STAB2: variants seen among roughly 807,000 people sequenced by gnomAD.
STAB2 encodes stabilin-2.
In STAB2, 288 loss-of-function variants were observed where a neutral mutation model predicts 338.1. The observed-to-expected ratio is 0.85, with a 90% confidence interval of 0.77 to 0.94. The LOEUF (loss-of-function observed/expected upper bound fraction) is 0.94. STAB2 is among the 40% of genes least tolerant of loss of function. The probability of loss-of-function intolerance (pLI) is 0.00; values close to 1 mark genes in which losing one functional copy is unlikely to be tolerated. For synonymous variants in STAB2, 1,202 were observed against 1,193.3 expected, an observed-to-expected ratio of 1.01 and a Z score of -0.15; for missense variants, 3,141 against 3,210.1, an observed-to-expected ratio of 0.98 and a Z score of 0.52.
intron 51 of STAB2, 68 bp downstream of exon 51, chr12:103,733,250 G>T: frequency 5.1e-6 from 8 of 1,563,644 alleles, no homozygotes; most frequent in Non-Finnish European, 7.0e-6. Flanking sequence ...CAGCACCAAG[G>T]CATTGTGGCC....
chr12:103,699,087 G>A lies in STAB2; in HGVS notation c.3583-9G>A. ...TCTTGACTGACTTCCAATTCTGTGT[G>A]TGATCCAGGAGGAGGACGTCCTCCG... On this transcript the variant is annotated splice_polypyrimidine_tract_variant and intron_variant, in intron 33 of 68. Coordinates refer to ENST00000388887, the MANE Select transcript of STAB2 (RefSeq NM_017564.10). 1 of 1,604,628 alleles carries A rather than the reference G, an allele frequency of 6.2e-7. No individual in the cohort carries two copies. Among genetic ancestry groups the A allele is most frequent in the Non-Finnish European group, 8.5e-7 (1 of 1,173,226 alleles).
chr12:103,642,934 T>C (rs1269286505), intron 9 of STAB2, among the ~76,000 whole-genome samples: 1 of 152,248 alleles, frequency 6.6e-6, no homozygotes, highest in Non-Finnish European at 1.5e-5. Context: ...AATATACCCT[T>C]GCCTCAGGTT....
At position 103,763,607 on chromosome 12, in the gene STAB2, C is replaced by T. The variant is rs149995259; in HGVS notation, c.7604C>T (p.Thr2535Met). The T allele has an allele frequency of 8.4e-5, 136 of 1,613,276 alleles. No homozygotes were observed. Among genetic ancestry groups the T allele is most frequent in the Middle Eastern group, 6.6e-4 (4 of 6,056 alleles). ...APPEPSYDPF[T>M]DSEERQLEGN... ...CCAGAACCTTCCTACGACCCCTTCA[C>T]GGTGAGTTTGCATTCTTATCTAGGA... is the stretch of plus-strand genomic sequence containing the variant. Residue 2535 changes from threonine to methionine, a missense_variant and splice_region_variant, in exon 68 of 69, where the codon ACG becomes ATG. Coordinates refer to ENST00000388887, the MANE Select transcript of STAB2 (RefSeq NM_017564.10).
chr12:103,711,907 G>A (rs924983495), intron 40 of STAB2, among the ~76,000 whole-genome samples: 1 of 152,180 alleles, frequency 6.6e-6, no homozygotes, highest in Non-Finnish European at 1.5e-5. Context: ...ACCTAGTAGT[G>A]GAGTTAGACA....
At chr12:103,702,424 G>A (rs1878975665) in intron 34 of STAB2, among the ~76,000 whole-genome samples, 2 of 151,560 alleles carry the variant, frequency 1.3e-5, no homozygotes, top group South Asian at 4.1e-4. Context: ...TCAGCCTCCC[G>A]AGTAGCTGGG....
At chr12:103,659,876 T>C (rs1008075095) in intron 15 of STAB2, among the ~76,000 whole-genome samples, 6 of 152,238 alleles carry the variant, frequency 3.9e-5, no homozygotes, top group Admixed American at 3.3e-4. Flanking sequence ...AAACAGACGT[T>C]TATTTATGGA....
chr12:103,626,418 G>A (rs1323277766), intron 5 of STAB2, among the ~76,000 whole-genome samples: 3 of 152,156 alleles, frequency 2.0e-5, no homozygotes, highest in Non-Finnish European at 2.9e-5. Flanking sequence ...CTGTGTTACC[G>A]AGGGCAAGCT....
intron 41 of STAB2, among the ~76,000 whole-genome samples, chr12:103,712,752 A>G (rs1411069575): frequency 6.6e-6 from 1 of 152,238 alleles, no homozygotes; most frequent in East Asian, 1.9e-4. Context: ...GCATTACTAT[A>G]TACCCTAGAA....
At chr12:103,613,388 G>A (rs372089178) in intron 3 of STAB2, among the ~76,000 whole-genome samples, 9 of 152,284 alleles carry the variant, frequency 5.9e-5, no homozygotes, top group South Asian at 4.1e-4. Context: ...CAGGAATGGC[G>A]GGAGCCTCTC....
chr12:103,626,297 G>A (rs1055878201), intron 5 of STAB2, among the ~76,000 whole-genome samples: 1 of 152,124 alleles, frequency 6.6e-6, no homozygotes, highest in African/African-American at 2.4e-5. Context: ...AATTTAAATA[G>A]CCACATGTGG....
intron 3 of STAB2, among the ~76,000 whole-genome samples, chr12:103,600,003 G>A (rs1195686303): frequency 6.6e-6 from 1 of 152,136 alleles, no homozygotes; most frequent in East Asian, 1.9e-4. Flanking sequence ...AACTCTTAAC[G>A]ACCATGTAAT....
At chr12:103,695,446 T>C in intron 31 of STAB2, 104 bp from the exon 32 acceptor site, 1 of 983,950 alleles carries the variant, frequency 1.0e-6, no homozygotes, top group Non-Finnish European at 1.5e-6. Context: ...TGTCAATCCA[T>C]TGAACTGTCT....
intron 41 of STAB2, 45 bp from the exon 42 acceptor site, chr12:103,713,597 CT>C (rs1159708304): frequency 6.2e-7 from 1 of 1,606,848 alleles, no homozygotes; most frequent in Non-Finnish European, 8.5e-7. Context: ...ACATCAATGG[CT>C]TTTGCCCTTC....
intron 51 of STAB2, 105 bp from the exon 52 acceptor site, chr12:103,735,386 G>A (rs1402190449): frequency 1.6e-5 from 10 of 626,292 alleles, no homozygotes; most frequent in African/African-American, 3.7e-5. Flanking sequence ...ATTATAACTC[G>A]TGGAAAAATT....
At chr12:103,674,336 T>G (rs985159045) in intron 23 of STAB2, among the ~76,000 whole-genome samples, 1 of 152,192 alleles carries the variant, frequency 6.6e-6, no homozygotes, top group African/African-American at 2.4e-5. Flanking sequence ...TTAACCTCTC[T>G]GAACCTCACT....
At chr12:103,645,603 G>A (rs1359099022) in intron 9 of STAB2, among the ~76,000 whole-genome samples, 1 of 152,214 alleles carries the variant, frequency 6.6e-6, no homozygotes, top group African/African-American at 2.4e-5. Flanking sequence ...TCACTTCCCA[G>A]AGTTACCAGT....
intron 30 of STAB2, among the ~76,000 whole-genome samples, chr12:103,692,157 G>A (rs1877989840): frequency 6.6e-6 from 1 of 152,188 alleles, no homozygotes; most frequent in Non-Finnish European, 1.5e-5. Flanking sequence ...TTTGAGGGAA[G>A]GGCCTGTCTT....
At position 103,695,640 on chromosome 12, in the gene STAB2, T is replaced by C; in HGVS notation, c.3466T>C (p.Tyr1156His). ...QMPDYSIFRG[Y>H]IIQYNLANAI... Reference sequence around the variant, plus strand: ...GCCTGACTATTCCATCTTCCGGGGCTACATCATTGCAAGTACCACATTCTC... The same window carrying C: ...GCCTGACTATTCCATCTTCCGGGGCCACATCATTGCAAGTACCACATTCTC... The change falls in exon 32 of 69, where the codon TAC (tyrosine) becomes CAC (histidine). Residue 1156 changes from tyrosine to histidine, a missense_variant. Transcript: ENST00000388887. The C allele has an allele frequency of 6.2e-7, 1 of 1,614,210 alleles. No individual in the cohort carries two copies. The highest frequency in any genetic ancestry group is 8.5e-7 in the Non-Finnish European group (1 of 1,180,032).
intron 9 of STAB2, among the ~76,000 whole-genome samples, chr12:103,642,390 GT>G (rs551909253): frequency 6.6e-6 from 1 of 152,176 alleles, no homozygotes; most frequent in Non-Finnish European, 1.5e-5. Flanking sequence ...TTACATTCCA[GT>G]TGTGCAAAAG....
Sources: allele counts gnomAD v4.1 joint callset (sites outside exome capture counted in the v4.1 genomes callset), GRCh38; gene constraint gnomAD v4.1.1; transcripts MANE v1.5; gene names NCBI Gene and HGNC (gene_info 2026-07-23, HGNC 2026-07-21).